Variants in UNC5D observed in about 807,000 individuals in gnomAD.
UNC5D encodes unc-5 netrin receptor D, also known as netrin receptor UNC5D.
A neutral mutation model predicts 105.4 loss-of-function variants in UNC5D; 39 were observed. The observed-to-expected ratio is 0.37, with a 90% confidence interval of 0.29 to 0.48. UNC5D has a LOEUF of 0.48. UNC5D is among the 20% of genes least tolerant of loss of function. The pLI, the probability that UNC5D is intolerant of heterozygous loss-of-function variation, is 0.98. For synonymous variants in UNC5D, 452 were observed against 450.4 expected (o/e 1.00, Z -0.04); for missense variants, 991 against 1,202.4 (o/e 0.82, Z 2.60).
chr8:35,331,404 A>G (rs901379867), intron 1 of UNC5D, among the ~76,000 whole-genome samples: 3 of 152,092 alleles, frequency 2.0e-5, no homozygotes, highest in African/African-American at 7.2e-5. Context: ...AATATGGTGG[A>G]TTGCTCAAAC....
intron 1 of UNC5D, among the ~76,000 whole-genome samples, chr8:35,456,106 T>A (rs1808475440): frequency 6.6e-6 from 1 of 152,188 alleles, no homozygotes; most frequent in Admixed American, 6.5e-5. Flanking sequence ...AGGAGGAGAA[T>A]CCATTTATTA....
chr8:35,249,606 T>C (rs1803556429), intron 1 of UNC5D, among the ~76,000 whole-genome samples: 1 of 142,404 alleles, frequency 7.0e-6, no homozygotes, highest in African/African-American at 2.6e-5. Context: ...AATAATAAAA[T>C]AAATAAATAA....
chr8:35,340,877 T>C (rs1482906168), intron 1 of UNC5D, among the ~76,000 whole-genome samples: 2 of 152,294 alleles, frequency 1.3e-5, no homozygotes, highest in East Asian at 3.9e-4. Context: ...TCTATTCTTC[T>C]GACATTCACT....
At chr8:35,608,057 G>A (rs991148196) in intron 4 of UNC5D, among the ~76,000 whole-genome samples, 4 of 152,076 alleles carry the variant, frequency 2.6e-5, no homozygotes, top group Non-Finnish European at 5.9e-5. Flanking sequence ...GCATCATAAA[G>A]CATCTGCAAA....
intron 16 of UNC5D, among the ~76,000 whole-genome samples, chr8:35,775,786 C>T (rs13266276): frequency 0.056 from 8,447 of 152,088 alleles, 348 homozygotes; most frequent in Non-Finnish European, 0.09. Context: ...GATCCAGAAG[C>T]CAAGAACGAA....
At chr8:35,578,736 A>G (rs1818275191) in intron 3 of UNC5D, among the ~76,000 whole-genome samples, 1 of 152,216 alleles carries the variant, frequency 6.6e-6, no homozygotes, top group Admixed American at 6.5e-5. Context: ...CTAGGAACAG[A>G]GAATAACTCG....
At chr8:35,292,221 C>T (rs1170439752) in intron 1 of UNC5D, among the ~76,000 whole-genome samples, 1 of 152,212 alleles carries the variant, frequency 6.6e-6, no homozygotes, top group Non-Finnish European at 1.5e-5. Context: ...TCACTAGTTT[C>T]CCATTTCTGA....
chr8:35,725,817 T>A (rs1828827940), intron 9 of UNC5D, among the ~76,000 whole-genome samples: 1 of 152,252 alleles, frequency 6.6e-6, no homozygotes, highest in African/African-American at 2.4e-5. Flanking sequence ...AGCTTCTGTT[T>A]GCCAGTTGAA....
intron 4 of UNC5D, among the ~76,000 whole-genome samples, chr8:35,662,493 C>T (rs1329387833): frequency 6.6e-6 from 1 of 152,006 alleles, no homozygotes; most frequent in Non-Finnish European, 1.5e-5. Context: ...AAGAGATGAG[C>T]CTTGGTTTAA....
intron 4 of UNC5D, among the ~76,000 whole-genome samples, chr8:35,661,916 AG>A (rs977427873): frequency 2.0e-5 from 3 of 152,136 alleles, no homozygotes; most frequent in African/African-American, 7.2e-5. Context: ...CCTGAGCAAG[AG>A]GGTACATTCC....
intron 1 of UNC5D, among the ~76,000 whole-genome samples, chr8:35,299,210 T>C (rs1807733610): frequency 6.6e-6 from 1 of 152,172 alleles, no homozygotes. Flanking sequence ...AAATATGTTA[T>C]GATGGGTGGG....
chr8:35,255,069 C>A (rs566293899), intron 1 of UNC5D: 2 of 152,202 alleles, frequency 1.3e-5, no homozygotes, highest in Admixed American at 1.3e-4. Flanking sequence ...TTAGAAGCCA[C>A]ATCTCTCATG....
At chr8:35,701,216 T>G (rs1477033984) in intron 7 of UNC5D, among the ~76,000 whole-genome samples, 1 of 152,202 alleles carries the variant, frequency 6.6e-6, no homozygotes, top group Non-Finnish European at 1.5e-5. Context: ...CCCTACTAAC[T>G]GAATCTTAAA....
intron 3 of UNC5D, among the ~76,000 whole-genome samples, chr8:35,592,819 C>G (rs1819252578): frequency 6.6e-6 from 1 of 152,098 alleles, no homozygotes; most frequent in Admixed American, 6.6e-5. Context: ...CCCTGTCCCC[C>G]AGTCATTGCC....
intron 1 of UNC5D, among the ~76,000 whole-genome samples, chr8:35,387,755 T>G (rs6468317): frequency 0.5 from 76,679 of 151,942 alleles, 19,631 homozygotes; most frequent in East Asian, 0.7. Flanking sequence ...CTCAGTAGGA[T>G]TTAGGAGTAC....
intron 1 of UNC5D, among the ~76,000 whole-genome samples, chr8:35,281,935 A>T (rs1806211947): frequency 6.6e-6 from 1 of 152,060 alleles, no homozygotes; most frequent in South Asian, 2.1e-4. Flanking sequence ...CCACCTTTTG[A>T]ATATCCACAT....
At chr8:35,488,433 C>T (rs144609135) in intron 1 of UNC5D, among the ~76,000 whole-genome samples, 107 of 152,282 alleles carry the variant, frequency 7.0e-4, no homozygotes, top group African/African-American at 2.5e-3. Flanking sequence ...GTGCCACTGC[C>T]AACATGAGCC....
chr8:35,704,019 A>C lies in UNC5D; in HGVS notation c.1085-1910A>C, dbSNP rs1018645096. 4.1e-4 allele frequency among the ~76,000 whole-genome samples: 62 copies of C among 152,352 alleles called. 1 individual carries two copies. Among genetic ancestry groups the C allele is most frequent in the Admixed American group, 3.3e-3 (51 of 15,304 alleles). ...AAAACTAGTACCGTCACATCTGTTC[A>C]GTAAGGGAAATGCAAGTGTTCTCTG... is the stretch of plus-strand genomic sequence containing the variant. On this transcript the variant is annotated intron_variant, in intron 7 of 16. Coordinates refer to ENST00000404895, the MANE Select transcript of UNC5D (RefSeq NM_080872.4).
rs536057165 is a variant in UNC5D at position 35,683,228 on chromosome 8, G to A, written c.571-319G>A. 2.3e-4 allele frequency among the ~76,000 whole-genome samples: 35 copies of A among 152,228 alleles called. 2 individuals are homozygous for A. Among genetic ancestry groups the A allele is most frequent in the Middle Eastern group, 6.8e-3 (2 of 294 alleles). On this transcript the variant is annotated intron_variant, in intron 4 of 16. Transcript: ENST00000404895. ...TTGAAATATCATCATCATCATGAAC[G>A]TTGTAATGAAATGAAATGGCCTAAT...
Sources: gnomAD v4.1 joint callset for allele counts (sites outside exome capture counted in the v4.1 genomes callset) on GRCh38, gnomAD v4.1.1 for gene constraint, MANE v1.5 for transcripts, NCBI Gene and HGNC (gene_info 2026-07-23, HGNC 2026-07-21) for gene names.